UACA: variants seen among roughly 807,000 people sequenced by gnomAD.
The protein encoded by UACA is nuclear membrane binding protein.
UACA carries 112 observed loss-of-function variants against 160.5 expected under a neutral mutation model. The ratio of observed to expected loss-of-function variants is 0.70; its 90% confidence interval spans 0.60 to 0.82. The LOEUF (loss-of-function observed/expected upper bound fraction) is 0.82. Among genes scored for constraint, UACA ranks in the 40% least tolerant of loss-of-function variants. The pLI is 0.00. For synonymous variants in UACA, 557 were observed against 568.4 expected, an observed-to-expected ratio of 0.98 and a Z score of 0.29; for missense variants, 1,574 against 1,614.6, an observed-to-expected ratio of 0.97 and a Z score of 0.43.
chr15:70,705,919 T>C (rs1490322256), intron 1 of UACA, among the ~76,000 whole-genome samples: 1 of 152,230 alleles, frequency 6.6e-6, no homozygotes, highest in Non-Finnish European at 1.5e-5. Context: ...GATAATCTTA[T>C]AATTATTTCT....
rs758314769 is a variant in UACA, at chr15:70,678,238, C to T, written c.892-32G>A. ...TAATAAAGACAACAAGGTGCCAGGCCAATCTTAAAAGAGCAAATTCTTAAA... is the reference window on the plus strand; with the variant it reads ...TAATAAAGACAACAAGGTGCCAGGCTAATCTTAAAAGAGCAAATTCTTAAA... On this transcript the variant is annotated intron_variant, in intron 10 of 18. Transcript: ENST00000322954. The T allele has an allele frequency of 6.5e-6, 10 of 1,539,268 alleles. No individual in the cohort carries two copies. In the East Asian group the frequency reaches 2.0e-4, roughly 31 times the overall value.
intron 1 of UACA, chr15:70,703,340 C>A (rs1898431496): frequency 2.5e-6 from 3 of 1,189,354 alleles, no homozygotes; most frequent in Admixed American, 6.2e-5. Context: ...TATTATAGAT[C>A]ATGCTGCCAG....
At chr15:70,682,612 C>A (rs1897550426) in intron 9 of UACA, 146 bp downstream of exon 9, 1 of 406,848 alleles carries the variant, frequency 2.5e-6, no homozygotes, top group African/African-American at 2.1e-5. Context: ...ATCTAAGTAT[C>A]CAGAATCTAC....
intron 1 of UACA, among the ~76,000 whole-genome samples, chr15:70,713,012 A>G (rs182045948): frequency 1.3e-5 from 2 of 152,326 alleles, no homozygotes; most frequent in East Asian, 1.9e-4. Context: ...ATGAAGAAAG[A>G]TAAGTAAGCA....
intron 5 of UACA, 30 bp from the exon 6 acceptor site, chr15:70,687,850 G>A: frequency 6.2e-7 from 1 of 1,602,226 alleles, no homozygotes; most frequent in Non-Finnish European, 8.5e-7. Flanking sequence ...ATGATAAATG[G>A]TGAACATCTG....
chr15:70,763,683 C>G (rs1205280698), upstream of UACA: 3 of 426,486 alleles, frequency 7.0e-6, no homozygotes, highest in Non-Finnish European at 1.1e-5. Flanking sequence ...GAGTAACACC[C>G]TTCCTCTCCC....
At chr15:70,755,557 C>A (rs1262709040) in intron 1 of UACA, among the ~76,000 whole-genome samples, 1 of 151,848 alleles carries the variant, frequency 6.6e-6, no homozygotes, top group Non-Finnish European at 1.5e-5. Flanking sequence ...GTAGTACCAG[C>A]TACTCGGGAG....
At chr15:70,693,672 G>T (rs1011330568) in intron 3 of UACA, among the ~76,000 whole-genome samples, 2 of 151,926 alleles carry the variant, frequency 1.3e-5, no homozygotes, top group African/African-American at 4.8e-5. Context: ...ATTTGAGCTT[G>T]ATCTGCAAAG....
At chr15:70,768,205 C>A (rs748442787), upstream of UACA, 1 of 152,224 alleles carries the variant, frequency 6.6e-6, no homozygotes, top group Non-Finnish European at 1.5e-5. Flanking sequence ...CCACTTCTTT[C>A]ATCTCCCCTG....
Position 70,667,666 on chromosome 15 carries a change from T to G in UACA, c.3018A>C (p.Lys1006Asn). ...TTTGTGTCTGCTCTGATAACTGGTCTTTTAGTTCTTTCTCTGTTGCTTTAA... is the reference window on the plus strand; with the variant it reads ...TTTGTGTCTGCTCTGATAACTGGTCGTTTAGTTCTTTCTCTGTTGCTTTAA... Reference protein sequence around the residue: ...RKFKATEKELKDQLSEQTQKY... With the variant: ...RKFKATEKELNDQLSEQTQKY... The change falls in exon 16 of 19, where the codon AAA becomes AAC. Residue 1006 changes from lysine to asparagine, a missense_variant. By Grantham distance (94) the Lys-to-Asn change is moderately conservative. Coordinates refer to ENST00000322954, the MANE Select transcript of UACA (RefSeq NM_018003.4). 3 of 1,613,518 alleles carry G rather than the reference T, an allele frequency of 1.9e-6. No homozygotes were observed. Among genetic ancestry groups the G allele is most frequent in the Non-Finnish European group, 2.5e-6 (3 of 1,180,002 alleles).
At chr15:70,699,417 G>T in intron 2 of UACA, 110 bp downstream of exon 2, 1 of 1,262,042 alleles carries the variant, frequency 7.9e-7, no homozygotes, top group Non-Finnish European at 1.1e-6. Flanking sequence ...TGCAGGTTTT[G>T]GCAGAATTTC....
chr15:70,679,515 A>G (rs1042134658), intron 10 of UACA, 93 bp downstream of exon 10: 14 of 767,980 alleles, frequency 1.8e-5, no homozygotes, highest in Admixed American at 1.7e-4. Flanking sequence ...CACTCATTTC[A>G]CCCATTCTCT....
chr15:70,748,860 A>C (rs1291773468), intron 1 of UACA: 1 of 152,470 alleles, frequency 6.6e-6, no homozygotes, highest in Non-Finnish European at 1.5e-5. Flanking sequence ...GTGACAAAAA[A>C]TCAAGATAAT....
At chr15:70,679,223 T>C (rs890839180) in intron 10 of UACA, among the ~76,000 whole-genome samples, 53 of 151,738 alleles carry the variant, frequency 3.5e-4, no homozygotes, top group African/African-American at 1.3e-3. Context: ...GCCAACATGG[T>C]GAAACCCCGT....
intron 9 of UACA, among the ~76,000 whole-genome samples, chr15:70,680,525 C>T (rs1213572263): frequency 2.0e-5 from 3 of 152,138 alleles, no homozygotes; most frequent in Non-Finnish European, 4.4e-5. Context: ...GAACAACTCC[C>T]ATTTAAAAGA....
chr15:70,675,882 T>C (rs1382776071), intron 13 of UACA, among the ~76,000 whole-genome samples: 1 of 152,132 alleles, frequency 6.6e-6, no homozygotes, highest in Non-Finnish European at 1.5e-5. Context: ...TTCTGCCAGG[T>C]GAGGATGCAG....
At chr15:70,682,093 A>G (rs534595335) in intron 9 of UACA, 2 of 152,356 alleles carry the variant, frequency 1.3e-5, no homozygotes, top group East Asian at 3.9e-4. Context: ...ACGGTACTGT[A>G]AACCAACCCT....
chr15:70,664,340 G>A (rs934568621), intron 17 of UACA, among the ~76,000 whole-genome samples: 7 of 152,154 alleles, frequency 4.6e-5, no homozygotes, highest in Non-Finnish European at 1.0e-4. Flanking sequence ...TACCCCAGCT[G>A]AATGACCCCA....
chr15:70,692,209 G>A (rs1184981950), intron 3 of UACA, among the ~76,000 whole-genome samples: 3 of 151,914 alleles, frequency 2.0e-5, no homozygotes, highest in Admixed American at 6.6e-5. Flanking sequence ...ACTCTGTCAC[G>A]CAGGCTAGTG....
Sources: allele counts gnomAD v4.1 joint callset (sites outside exome capture counted in the v4.1 genomes callset), GRCh38; gene constraint gnomAD v4.1.1; transcripts MANE v1.5; gene names NCBI Gene and HGNC (gene_info 2026-07-23, HGNC 2026-07-21).